RB1CC1: variants seen among roughly 807,000 people sequenced by gnomAD.
RB1CC1 encodes the protein RB1-inducible coiled-coil protein 1.
Under a neutral mutation model 177.5 loss-of-function variants are expected in RB1CC1, and 46 were observed. The observed-to-expected ratio is 0.26, with a 90% CI of 0.20 to 0.33. The LOEUF is 0.33. Among genes scored for constraint, RB1CC1 ranks in the 10% least tolerant of loss-of-function variants. RB1CC1 has a pLI of 1.00. For missense variants in RB1CC1, 1,703 were observed against 1,816.3 expected (o/e 0.94, Z 1.13); for synonymous variants, 666 against 613.6 (o/e 1.09, Z -1.26).
intron 3 of RB1CC1, among the ~76,000 whole-genome samples, chr8:52,684,631 T>C (rs1456893865): frequency 3.3e-5 from 5 of 152,290 alleles, no homozygotes; most frequent in East Asian, 1.9e-4. Flanking sequence ...GATGAAAATA[T>C]TAAATTTATC....
intron 15 of RB1CC1, among the ~76,000 whole-genome samples, chr8:52,649,882 T>C (rs1850415391): frequency 6.6e-6 from 1 of 152,192 alleles, no homozygotes; most frequent in African/African-American, 2.4e-5. Context: ...AATATAAACT[T>C]TAATAATTCC....
intron 22 of RB1CC1, among the ~76,000 whole-genome samples, chr8:52,625,144 A>C (rs1848292263): frequency 6.6e-6 from 1 of 152,144 alleles, no homozygotes; most frequent in Non-Finnish European, 1.5e-5. Flanking sequence ...AATAAAGATG[A>C]CCTTTCCCAT....
At chr8:52,683,467 T>G in intron 5 of RB1CC1, 82 bp downstream of exon 5, 1 of 1,216,444 alleles carries the variant, frequency 8.2e-7, no homozygotes, top group Non-Finnish European at 1.1e-6. Context: ...TTTGCATACT[T>G]CCTATGCAAT....
intron 7 of RB1CC1, among the ~76,000 whole-genome samples, chr8:52,672,482 C>G (rs540379858): frequency 1.3e-5 from 2 of 152,312 alleles, no homozygotes; most frequent in Admixed American, 1.3e-4. Flanking sequence ...GTGGCTCATG[C>G]CTGTAATCCC....
chr8:52,660,843 C>T (rs1367894240), intron 11 of RB1CC1, 83 bp downstream of exon 11: 3 of 1,225,214 alleles, frequency 2.4e-6, no homozygotes, highest in Non-Finnish European at 3.5e-6. Context: ...ACAGCATATA[C>T]ATGAAGTATG....
intron 8 of RB1CC1, among the ~76,000 whole-genome samples, chr8:52,666,529 A>AAAAAAAAAG (rs1554541874): frequency 4.7e-5 from 7 of 149,610 alleles, no homozygotes; most frequent in South Asian, 4.2e-4. Context: ...AAAAAAAAAA[A>AAAAAAAAAG]AAAGAAAGAA....
At chr8:52,634,251 A>G (rs1719644037) in intron 20 of RB1CC1, among the ~76,000 whole-genome samples, 1 of 152,124 alleles carries the variant, frequency 6.6e-6, no homozygotes, top group South Asian at 2.1e-4. Context: ...GCTGGGTGCA[A>G]TGTTTCACAC....
In RB1CC1 at chr8:52,623,863, A is replaced by C. The variant is rs775241498; in HGVS notation, c.4708-4T>G. 72 of 1,592,388 alleles carry C rather than the reference A, an allele frequency of 4.5e-5. No homozygotes were observed. The highest frequency in any genetic ancestry group is 6.0e-5 in the Non-Finnish European group (70 of 1,161,696). ...GAACTTTAAATCTGTTTTGTGCCTA[A>C]GAGGGAAAGAAAAAATGGAATCACT... On this transcript the variant is annotated splice_region_variant and splice_polypyrimidine_tract_variant and intron_variant, in intron 23 of 23. Coordinates refer to ENST00000025008, the MANE Select transcript of RB1CC1 (RefSeq NM_014781.5).
Position 52,684,026 on chromosome 8 carries a change from A to T in RB1CC1, c.72-13T>A. The stretch of plus-strand genomic sequence containing the variant: ...AAGGTCTGCCACACTTCAAAAAATG[A>T]AATAAAATAAATCAGTTGTTTATAT... On this transcript the variant is annotated splice_polypyrimidine_tract_variant and intron_variant, in intron 3 of 23. Coordinates refer to ENST00000025008, the MANE Select transcript of RB1CC1 (RefSeq NM_014781.5). The T allele has an allele frequency of 6.2e-7, 1 of 1,606,512 alleles. No individual in the cohort carries two copies. Among genetic ancestry groups the T allele is most frequent in the Non-Finnish European group, 8.5e-7 (1 of 1,177,432 alleles).
intron 1 of RB1CC1, among the ~76,000 whole-genome samples, chr8:52,705,832 T>C (rs1473625775): frequency 6.6e-6 from 1 of 152,046 alleles, no homozygotes; most frequent in East Asian, 1.9e-4. Context: ...CAAGATCCTC[T>C]CTCCAAAAAA....
Position 52,658,123 on chromosome 8 carries a change from C to A in RB1CC1, c.1795G>T (p.Val599Phe), listed in dbSNP as rs750803004. The change falls in exon 14 of 24, where the codon GTT (valine) becomes TTT (phenylalanine). Residue 599 changes from valine to phenylalanine, a missense_variant and splice_region_variant. Around this residue, in one of 6 missense-constraint regions of RB1CC1, gnomAD observed 1,169 missense variants for 1,184.7 expected, o/e 0.99. Transcript: ENST00000025008. ...GGTTCAAAGTCACAAAGTAAGGGAA[C>A]CCTGAAACAGAATGCAATGCAATTA... ...CPSEVQPFLRVPLLCDFEPLH... is the reference protein window; with the variant it reads ...CPSEVQPFLRFPLLCDFEPLH... The A allele has an allele frequency of 3.1e-6, 5 of 1,609,292 alleles. No homozygotes were observed. Among genetic ancestry groups the A allele is most frequent in the Admixed American group, 1.7e-5 (1 of 58,864 alleles).
Position 52,714,075 on chromosome 8 carries a change from C to T in RB1CC1, c.-167G>A, listed in dbSNP as rs1346195507. The T allele has an allele frequency of 2.8e-6, 1 of 353,782 alleles. No individual in the cohort carries two copies. The highest frequency in any genetic ancestry group is 1.9e-5 in the South Asian group (1 of 51,898). The allele number at this position is 353,782 out of a possible 1,614,324, so 21.9% of individuals were successfully genotyped here. On this transcript the variant is annotated splice_region_variant and 5_prime_UTR_variant, in exon 1 of 24. Transcript: ENST00000025008. The stretch of plus-strand genomic sequence containing the variant: ...GGACGCGGGCGGCGGCGACACTTAC[C>T]CGGCAACGCCTCCTCCTTCGCCGGC...
At position 52,623,019 on chromosome 8, in the gene RB1CC1, C is replaced by T. The variant is rs1023670087; in HGVS notation, c.*763G>A. On this transcript the variant is annotated 3_prime_UTR_variant, in exon 24 of 24. Coordinates refer to ENST00000025008, the MANE Select transcript of RB1CC1 (RefSeq NM_014781.5). ...TGTTCTGAAACTCAACCATGAATTACGATTTCATCAATATGATTATTCTAG... is the reference window on the plus strand; with the variant it reads ...TGTTCTGAAACTCAACCATGAATTATGATTTCATCAATATGATTATTCTAG... 8 of 151,992 alleles carry T rather than the reference C, an allele frequency of 5.3e-5. No homozygotes were observed. The highest frequency in any genetic ancestry group is 1.7e-4 in the African/African-American group (7 of 41,348). 9.4% of individuals were successfully genotyped at this position (151,992 alleles called of 1,614,324 possible). A position where few individuals can be genotyped will look rare whatever the true frequency, so the allele number is the denominator to read the frequency against.
At chr8:52,688,783 C>T (rs1223418302) in intron 1 of RB1CC1, among the ~76,000 whole-genome samples, 5 of 152,126 alleles carry the variant, frequency 3.3e-5, no homozygotes, top group Admixed American at 2.0e-4. Flanking sequence ...GAGGCTTATG[C>T]GGGCATCACT....
At chr8:52,638,869 T>A (rs1459647842) in intron 18 of RB1CC1, among the ~76,000 whole-genome samples, 7 of 152,158 alleles carry the variant, frequency 4.6e-5, no homozygotes, top group Admixed American at 4.6e-4. Flanking sequence ...ATGCTACATG[T>A]AGATTTCCAT....
At chr8:52,699,647 G>GAAAGA in intron 1 of RB1CC1, among the ~76,000 whole-genome samples, 1 of 123,674 alleles carries the variant, frequency 8.1e-6, no homozygotes, top group Non-Finnish European at 1.7e-5. Context: ...TGTCTCTAGT[G>GAAAGA]AAAAAAAAAA....
rs759472094 is a variant in RB1CC1 at position 52,673,860 on chromosome 8, A to T, written c.987T>A (p.Phe329Leu). The T allele has an allele frequency of 1.2e-6, 2 of 1,609,504 alleles. No homozygotes were observed. Among genetic ancestry groups the T allele is most frequent in the Non-Finnish European group, 1.7e-6 (2 of 1,176,604 alleles). Residue 329 changes from phenylalanine (F) to leucine (L), a missense_variant, in exon 7 of 24, where the codon TTT (phenylalanine) becomes TTA (leucine). Around this residue, in one of 6 missense-constraint regions of RB1CC1, gnomAD observed 315 missense variants for 304.9 expected, o/e 1.03. Transcript: ENST00000025008. ...CGTTACTTACCCTGCTCATAGAATC[A>T]AAGCACTTCCTGACCAAAGATTCCA... is the stretch of plus-strand genomic sequence containing the variant. ...NDVESLVRKCFDSMSRLDPRI... is the reference protein window; with the variant it reads ...NDVESLVRKCLDSMSRLDPRI...
At chr8:52,689,823 A>ATCT (rs908102001) in intron 1 of RB1CC1, among the ~76,000 whole-genome samples, 1 of 151,882 alleles carries the variant, frequency 6.6e-6, no homozygotes, top group African/African-American at 2.4e-5. Flanking sequence ...CCTCATACAC[A>ATCT]TCTTCTTCCA....
At chr8:52,658,347 G>C (rs1247906932) in intron 13 of RB1CC1, among the ~76,000 whole-genome samples, 1 of 152,104 alleles carries the variant, frequency 6.6e-6, no homozygotes, top group Non-Finnish European at 1.5e-5. Flanking sequence ...GGGAGGCCTA[G>C]GCGGGTGGAT....
Sources: gnomAD v4.1 joint callset for allele counts (sites outside exome capture counted in the v4.1 genomes callset) on GRCh38, gnomAD v4.1.1 for gene constraint, gnomAD v4.1.1 regional missense constraint, MANE v1.5 for transcripts, NCBI Gene and HGNC (gene_info 2026-07-23, HGNC 2026-07-21) for gene names.